SDHC: variants seen among roughly 807,000 people sequenced by gnomAD.
SDHC encodes succinate dehydrogenase complex subunit C, also known as succinate dehydrogenase cytochrome b560 subunit, mitochondrial.
Under a neutral mutation model 22.6 loss-of-function variants are expected in SDHC, and 11 were observed. The ratio of observed to expected loss-of-function variants is 0.49; its 90% CI spans 0.31 to 0.81. The LOEUF (loss-of-function observed/expected upper bound fraction) is 0.81. Ranked by LOEUF, SDHC falls within the 30% of genes least tolerant of loss-of-function variation. SDHC has a pLI of 0.05. For missense variants in SDHC, 160 were observed against 212.0 expected (o/e 0.75, Z 1.52); for synonymous variants, 80 against 77.8 (o/e 1.03, Z -0.15).
At chr1:161,353,221 C>T (rs1672152799) in intron 4 of SDHC, among the ~76,000 whole-genome samples, 2 of 152,044 alleles carry the variant, frequency 1.3e-5, no homozygotes, top group Admixed American at 6.6e-5. Flanking sequence ...TAGGATAACA[C>T]CATATCAGGG....
intron 1 of SDHC, among the ~76,000 whole-genome samples, chr1:161,319,355 A>G (rs1466803768): frequency 6.6e-6 from 1 of 152,172 alleles, no homozygotes; most frequent in Non-Finnish European, 1.5e-5. Flanking sequence ...AAATATTGAT[A>G]GATATGAACA....
At chr1:161,344,909 G>A (rs1339521687) in intron 4 of SDHC, among the ~76,000 whole-genome samples, 2 of 152,180 alleles carry the variant, frequency 1.3e-5, no homozygotes, top group Non-Finnish European at 2.9e-5. Flanking sequence ...CATTTGTTCT[G>A]AAATGAAGTC....
At chr1:161,348,246 C>G (rs1038827945) in intron 4 of SDHC, among the ~76,000 whole-genome samples, 1 of 151,750 alleles carries the variant, frequency 6.6e-6, no homozygotes, top group Non-Finnish European at 1.5e-5. Context: ...ACTTCTGTCT[C>G]CTCCTGGGTT....
intron 5 of SDHC, among the ~76,000 whole-genome samples, chr1:161,358,122 C>T (rs1160063967): frequency 2.0e-5 from 3 of 150,190 alleles, no homozygotes; most frequent in African/African-American, 4.9e-5. Flanking sequence ...CTGCAACCTC[C>T]ACCTCCCAGG....
rs1246483491 is a variant in SDHC at position 161,322,774 on chromosome 1, C to T, written c.21-840C>T. Among the ~76,000 whole-genome samples, 9 of 152,180 alleles carry T rather than the reference C, an allele frequency of 5.9e-5. No individual in the cohort carries two copies. In the South Asian group the frequency reaches 1.0e-3, roughly 18 times the overall value. On this transcript the variant is annotated intron_variant, in intron 1 of 5. Transcript: ENST00000367975. ...TAGAGATGGGGTTTTACCATGTTGT[C>T]CAGGCAGTATTGAACACCTAGGCTC... is the stretch of plus-strand genomic sequence containing the variant.
intron 4 of SDHC, among the ~76,000 whole-genome samples, chr1:161,345,325 G>T (rs939784866): frequency 6.6e-6 from 1 of 152,156 alleles, no homozygotes; most frequent in East Asian, 1.9e-4. Context: ...TTAACTCAAA[G>T]AGCACTTTGC....
At chr1:161,322,604 T>A (rs1037736722) in intron 1 of SDHC, among the ~76,000 whole-genome samples, 3 of 151,810 alleles carry the variant, frequency 2.0e-5, no homozygotes, top group African/African-American at 7.3e-5. Context: ...TCTAGCCCTG[T>A]CACCCAGTCT....
rs183871737 is a variant in SDHC at position 161,322,312 on chromosome 1, G to A, written c.21-1302G>A. On this transcript the variant is annotated intron_variant, in intron 1 of 5. Coordinates refer to ENST00000367975, the MANE Select transcript of SDHC (RefSeq NM_003001.5). ...CACATCTTAGTTTTTGACTTGAAAA[G>A]CAATTCTGGCACTGATGTATACATT... 3.1e-3 allele frequency among the ~76,000 whole-genome samples: 471 copies of A among 152,246 alleles called. 4 individuals carry two copies. The highest frequency in any genetic ancestry group is 0.01 in the African/African-American group (424 of 41,540).
At chr1:161,361,842 C>CAAAAAAA (rs35337467) in intron 5 of SDHC, among the ~76,000 whole-genome samples, 2 of 54,818 alleles carry the variant, frequency 3.6e-5, no homozygotes, top group East Asian at 1.3e-3. Flanking sequence ...GAGTCCGTCT[C>CAAAAAAA]AAAAAAAAAA....
chr1:161,356,926 G>T, intron 5 of SDHC, 86 bp downstream of exon 5: 1 of 1,405,164 alleles, frequency 7.1e-7, no homozygotes. Flanking sequence ...TGGGTTTAGT[G>T]CTGTTCTTTT....
chr1:161,323,565 A>T, intron 1 of SDHC, 49 bp from the exon 2 acceptor site: 2 of 1,440,584 alleles, frequency 1.4e-6, no homozygotes. Context: ...TTGATATACT[A>T]AAGTTGATCT....
At chr1:161,330,662 T>G (rs892674230) in intron 3 of SDHC, among the ~76,000 whole-genome samples, 1 of 152,178 alleles carries the variant, frequency 6.6e-6, no homozygotes, top group Non-Finnish European at 1.5e-5. Flanking sequence ...CTCTGTCACT[T>G]TTAGTCTATG....
At chr1:161,338,706 A>AT (rs1424632977) in intron 3 of SDHC, among the ~76,000 whole-genome samples, 2 of 152,182 alleles carry the variant, frequency 1.3e-5, no homozygotes, top group Non-Finnish European at 2.9e-5. Context: ...CAGTTTGGAT[A>AT]TTTTGGGGCA....
At chr1:161,336,186 C>T (rs1462511808) in intron 3 of SDHC, among the ~76,000 whole-genome samples, 8 of 152,108 alleles carry the variant, frequency 5.3e-5, no homozygotes, top group East Asian at 1.9e-4. Flanking sequence ...AGGCCCGGTG[C>T]GGTGGCTCAT....
Position 161,356,664 on chromosome 1 carries a change from G to C in SDHC, c.242-13G>C, listed in dbSNP as rs1553265778. ...ATGAGCAGCTGTGACAAGCTACTTG[G>C]TTTTCTCCTCAGGGGTCTCTCTTTT... On this transcript the variant is annotated splice_polypyrimidine_tract_variant and intron_variant, in intron 4 of 5. Coordinates refer to ENST00000367975, the MANE Select transcript of SDHC (RefSeq NM_003001.5). 3 of 1,613,652 alleles carry C rather than the reference G, an allele frequency of 1.9e-6. No homozygotes were observed. The highest frequency in any genetic ancestry group is 1.7e-6 in the Non-Finnish European group (2 of 1,179,838).
At chr1:161,353,153 C>G (rs1301807154) in intron 4 of SDHC, among the ~76,000 whole-genome samples, 2 of 152,024 alleles carry the variant, frequency 1.3e-5, no homozygotes, top group Non-Finnish European at 2.9e-5. Context: ...TATTCACATC[C>G]TAGTATTTCC....
intron 4 of SDHC, among the ~76,000 whole-genome samples, chr1:161,347,728 T>C (rs890727886): frequency 2.0e-5 from 3 of 152,028 alleles, no homozygotes; most frequent in Non-Finnish European, 2.9e-5. Flanking sequence ...TAGCTGGGCA[T>C]GGTGGCATGT....
At chr1:161,332,467 A>G (rs72714974) in intron 3 of SDHC, among the ~76,000 whole-genome samples, 2,087 of 152,188 alleles carry the variant, frequency 0.014, 35 homozygotes, top group Middle Eastern at 0.048. Flanking sequence ...ACATGTTCCT[A>G]ATTTCCTCCT....
chr1:161,341,225 G>A (rs900331934), intron 4 of SDHC, among the ~76,000 whole-genome samples: 6 of 152,166 alleles, frequency 3.9e-5, no homozygotes, highest in African/African-American at 1.4e-4. Flanking sequence ...GCAGAGAAAT[G>A]TAATAGAGAT....
Sources: allele counts gnomAD v4.1 joint callset (sites outside exome capture counted in the v4.1 genomes callset), GRCh38; gene constraint gnomAD v4.1.1; transcripts MANE v1.5; gene names NCBI Gene and HGNC (gene_info 2026-07-23, HGNC 2026-07-21).